The following MYO3A variants were observed in gnomAD, a reference collection of about 807,000 sequenced individuals.
MYO3A encodes the protein myosin-IIIa.
Under a neutral mutation model 192.7 loss-of-function variants are expected in MYO3A, and 180 were observed. The ratio of observed to expected loss-of-function variants is 0.93; its 90% confidence interval spans 0.83 to 1.06. The LOEUF (loss-of-function observed/expected upper bound fraction) is 1.06. Among genes scored for constraint, MYO3A ranks in the 50% least tolerant of loss-of-function variants. MYO3A has a pLI of 0.00. For synonymous variants in MYO3A, 628 were observed against 645.3 expected (o/e 0.97, Z 0.41); for missense variants, 1,896 against 1,905.0 (o/e 1.00, Z 0.09).
At chr10:26,034,592 A>C (rs1041068771) in intron 10 of MYO3A, among the ~76,000 whole-genome samples, 1 of 152,228 alleles carries the variant, frequency 6.6e-6, no homozygotes, top group African/African-American at 2.4e-5. Flanking sequence ...ATGAATCAAG[A>C]AACTGGATAA....
At chr10:26,049,510 G>A (rs1050385461) in intron 10 of MYO3A, among the ~76,000 whole-genome samples, 2 of 152,098 alleles carry the variant, frequency 1.3e-5, no homozygotes, top group African/African-American at 4.8e-5. Context: ...GGAGGTTGAT[G>A]ATACATATGA....
chr10:26,014,114 G>T (rs972558264), intron 6 of MYO3A, among the ~76,000 whole-genome samples: 10 of 152,140 alleles, frequency 6.6e-5, no homozygotes, highest in African/African-American at 1.9e-4. Context: ...GGACTTTAGA[G>T]ACTCAGAAGA....
At chr10:26,023,984 C>A (rs1181356847) in intron 8 of MYO3A, 38 bp from the exon 9 acceptor site, 15 of 1,564,692 alleles carry the variant, frequency 9.6e-6, no homozygotes, top group Non-Finnish European at 1.2e-5. Flanking sequence ...ACTGACTGAC[C>A]AATATACAGA....
chr10:26,174,799 T>C (rs892484603), intron 30 of MYO3A, among the ~76,000 whole-genome samples: 1 of 152,138 alleles, frequency 6.6e-6, no homozygotes, highest in African/African-American at 2.4e-5. Flanking sequence ...ATACTAGAGA[T>C]TGGTTTATAC....
chr10:25,962,739 G>C (rs549940430), intron 4 of MYO3A, among the ~76,000 whole-genome samples: 3 of 152,102 alleles, frequency 2.0e-5, no homozygotes, highest in African/African-American at 7.2e-5. Flanking sequence ...ATGAGGACTC[G>C]GGTAGGATTC....
At chr10:26,056,616 G>A (rs1403347951) in intron 10 of MYO3A, among the ~76,000 whole-genome samples, 2 of 152,192 alleles carry the variant, frequency 1.3e-5, no homozygotes, top group East Asian at 3.9e-4. Context: ...TAGTGTTGGA[G>A]GCTGAGGAAA....
chr10:26,172,550 T>C (rs576234556), intron 29 of MYO3A, among the ~76,000 whole-genome samples: 1 of 152,354 alleles, frequency 6.6e-6, no homozygotes, highest in South Asian at 2.1e-4. Context: ...AACTAACTTA[T>C]AAATGGATTT....
In MYO3A at chr10:26,174,492, G is replaced by T; in HGVS notation, c.4228G>T (p.Asp1410Tyr). 1 of 1,613,996 alleles carries T rather than the reference G, an allele frequency of 6.2e-7. No individual in the cohort carries two copies. The highest frequency in any genetic ancestry group is 8.5e-7 in the Non-Finnish European group (1 of 1,179,992). The change falls in exon 30 of 35, where the codon GAT (aspartate) becomes TAT (tyrosine). Residue 1410 changes from aspartate to tyrosine, a missense_variant. Asp to Tyr is a radical substitution (Grantham distance 160). Coordinates refer to ENST00000642920, the MANE Select transcript of MYO3A (RefSeq NM_017433.5). ...HEEINNIKKKDNKDSKATSER... is the reference protein window; with the variant it reads ...HEEINNIKKKYNKDSKATSER... ...GGAAATCAATAACATCAAGAAGAAGGATAACAAAGACTCGAAAGCAACTTC... is the reference window on the plus strand; with the variant it reads ...GGAAATCAATAACATCAAGAAGAAGTATAACAAAGACTCGAAAGCAACTTC...
chr10:25,985,881 G>A (rs886723251), intron 4 of MYO3A, among the ~76,000 whole-genome samples: 2 of 152,048 alleles, frequency 1.3e-5, no homozygotes, highest in Non-Finnish European at 2.9e-5. Context: ...ACCAGGGTAG[G>A]ACATAACAAA....
chr10:25,989,587 C>T (rs1564433683), intron 4 of MYO3A, among the ~76,000 whole-genome samples: 1 of 152,150 alleles, frequency 6.6e-6, no homozygotes, highest in Non-Finnish European at 1.5e-5. Flanking sequence ...CTACCTACTT[C>T]AGACAGTGGT....
chr10:26,008,226 A>C lies in MYO3A; in HGVS notation c.509-8594A>C, dbSNP rs569551670. Among the ~76,000 whole-genome samples, 12 of 147,972 alleles carry C rather than the reference A, an allele frequency of 8.1e-5. 1 individual carries two copies. Among genetic ancestry groups the C allele is most frequent in the African/African-American group, 2.4e-4 (9 of 38,152 alleles). ...TCCCTTCCTTACACCTTATACAAAA[A>C]TTAATTCAAGATGGATTAAAGACTT... On this transcript the variant is annotated intron_variant, in intron 6 of 34. Coordinates refer to ENST00000642920, the MANE Select transcript of MYO3A (RefSeq NM_017433.5).
intron 9 of MYO3A, among the ~76,000 whole-genome samples, 168 bp from the exon 10 acceptor site, chr10:26,026,209 T>C (rs1842533421): frequency 6.6e-6 from 1 of 152,254 alleles, no homozygotes; most frequent in Non-Finnish European, 1.5e-5. Context: ...CATATTGCAG[T>C]TAGCTATTTT....
intron 31 of MYO3A, among the ~76,000 whole-genome samples, chr10:26,187,422 C>T (rs1337170619): frequency 6.6e-6 from 1 of 152,064 alleles, no homozygotes; most frequent in African/African-American, 2.4e-5. Flanking sequence ...GGTTGTTTTC[C>T]TCTGAGGCCT....
At chr10:26,131,629 G>A (rs923155619) in intron 20 of MYO3A, among the ~76,000 whole-genome samples, 4 of 152,054 alleles carry the variant, frequency 2.6e-5, no homozygotes, top group African/African-American at 9.7e-5. Context: ...TATTTAGAAT[G>A]TTAAGAGAGC....
At position 26,201,276 on chromosome 10, in the gene MYO3A, A is replaced by C; in HGVS notation, c.4557A>C (p.Gln1519His). The change falls in exon 33 of 35, where the codon CAA (glutamine) becomes CAC (histidine). Residue 1519 changes from glutamine (Q) to histidine (H), a missense_variant. Coordinates refer to ENST00000642920, the MANE Select transcript of MYO3A (RefSeq NM_017433.5). ...CTTCTTTCCTTTAGAAGTCAATCCA[A>C]GAAGAAAAACGAAGACCAAGGAAAG... The part of the protein sequence containing the change: ...TYYYLLHKSI[Q>H]EEKRRPRKDS... The C allele has an allele frequency of 6.3e-7, 1 of 1,578,460 alleles. No homozygotes were observed. Among genetic ancestry groups the C allele is most frequent in the South Asian group, 1.1e-5 (1 of 88,000 alleles).
In MYO3A at chr10:26,012,048, A is replaced by T. The variant is rs540091126; in HGVS notation, c.509-4772A>T. Among the ~76,000 whole-genome samples, 9 of 152,320 alleles carry T rather than the reference A, an allele frequency of 5.9e-5. No homozygotes were observed. The East Asian group carries it at 1.7e-3, about 29-fold the overall frequency. ...GAAAAAGCATTTAACAGAATCCATC[A>T]TCCCTTTATGATAAAAACTCTCAAC... On this transcript the variant is annotated intron_variant, in intron 6 of 34. Coordinates refer to ENST00000642920, the MANE Select transcript of MYO3A (RefSeq NM_017433.5).
intron 26 of MYO3A, among the ~76,000 whole-genome samples, chr10:26,161,660 A>G (rs139960470): frequency 5.8e-4 from 89 of 152,352 alleles, no homozygotes; most frequent in Admixed American, 1.4e-3. Flanking sequence ...AGGGATGATA[A>G]TAACAATATC....
intron 17 of MYO3A, among the ~76,000 whole-genome samples, chr10:26,109,310 C>T (rs912042976): frequency 3.3e-5 from 5 of 152,236 alleles, no homozygotes; most frequent in Non-Finnish European, 5.9e-5. Context: ...TGCAGTTTCA[C>T]TTTCTGCAAT....
At chr10:26,003,964 C>G (rs1841015841) in intron 6 of MYO3A, among the ~76,000 whole-genome samples, 1 of 152,128 alleles carries the variant, frequency 6.6e-6, no homozygotes, top group Non-Finnish European at 1.5e-5. Context: ...ATTAATAACC[C>G]ACTTTTTAGC....
Sources: allele counts gnomAD v4.1 joint callset (sites outside exome capture counted in the v4.1 genomes callset), GRCh38; gene constraint gnomAD v4.1.1; transcripts MANE v1.5; gene names NCBI Gene and HGNC (gene_info 2026-07-23, HGNC 2026-07-21).